Variants in KIF26B observed in about 807,000 individuals in gnomAD.
The protein encoded by KIF26B is kinesin-like protein KIF26B.
Under a neutral mutation model 151.2 loss-of-function variants are expected in KIF26B, and 63 were observed. The ratio of observed to expected loss-of-function variants is 0.42; its 90% CI spans 0.34 to 0.51. The LOEUF (loss-of-function observed/expected upper bound fraction) is 0.51. Ranked by LOEUF, KIF26B falls within the 20% of genes least tolerant of loss-of-function variation. The pLI is 0.07. For synonymous variants in KIF26B, 1,357 were observed against 1,262.1 expected, an observed-to-expected ratio of 1.08 and a Z score of -1.59; for missense variants, 2,813 against 2,913.6, an observed-to-expected ratio of 0.97 and a Z score of 0.79.
intron 2 of KIF26B, among the ~76,000 whole-genome samples, chr1:245,231,822 G>A (rs1428383140): frequency 2.0e-5 from 3 of 152,212 alleles, no homozygotes; most frequent in African/African-American, 7.2e-5. Context: ...GACAAGGATG[G>A]AACAATGTTT....
intron 2 of KIF26B, among the ~76,000 whole-genome samples, chr1:245,364,288 C>T (rs1672888923): frequency 6.6e-6 from 1 of 152,184 alleles, no homozygotes; most frequent in South Asian, 2.1e-4. Flanking sequence ...GAGGGGCCCT[C>T]AGAGCCAGGG....
rs752099494 is a variant in KIF26B at position 245,354,983 on chromosome 1, C to T, written c.466-11851C>T. ...TCACCCAGGCTAGAGTGCACTGGCGCGATCTCGGCTCGCTGCAACCTATGC... is the reference window on the plus strand; with the variant it reads ...TCACCCAGGCTAGAGTGCACTGGCGTGATCTCGGCTCGCTGCAACCTATGC... On this transcript the variant is annotated intron_variant, in intron 2 of 14. Transcript: ENST00000407071. Among the ~76,000 whole-genome samples the T allele has an allele frequency of 6.6e-5, 10 of 152,298 alleles. No homozygotes were observed. The East Asian group carries it at 9.6e-4, about 15-fold the overall frequency.
At chr1:245,507,809 T>TTTGACAACATCTGTTGTCAAAGG (rs1248071668) in intron 4 of KIF26B, among the ~76,000 whole-genome samples, 1 of 152,124 alleles carries the variant, frequency 6.6e-6, no homozygotes, top group Admixed American at 6.5e-5. Flanking sequence ...CAACAGATGT[T>TTTGACAACATCTGTTGTCAAAGG]TTGACAACAT....
At chr1:245,494,285 A>G (rs917326232) in intron 4 of KIF26B, among the ~76,000 whole-genome samples, 1 of 147,474 alleles carries the variant, frequency 6.8e-6, no homozygotes, top group African/African-American at 2.5e-5. Flanking sequence ...CACCCTGGGC[A>G]ACAAGACCAA....
intron 9 of KIF26B, among the ~76,000 whole-genome samples, chr1:245,627,523 C>A (rs1019448802): frequency 2.4e-4 from 36 of 152,070 alleles, no homozygotes; most frequent in Non-Finnish European, 4.9e-4. Context: ...ACGCCCACAT[C>A]AGAGAGCTGG....
intron 2 of KIF26B, among the ~76,000 whole-genome samples, chr1:245,347,203 A>C (rs556193497): frequency 6.6e-6 from 1 of 152,270 alleles, no homozygotes; most frequent in African/African-American, 2.4e-5. Flanking sequence ...TCTTGATTGA[A>C]TCACTCCTTT....
At chr1:245,683,124 G>A (rs1048361828) in intron 10 of KIF26B, among the ~76,000 whole-genome samples, 6 of 152,188 alleles carry the variant, frequency 3.9e-5, no homozygotes, top group African/African-American at 7.2e-5. Flanking sequence ...AGCAGGTCAC[G>A]TGTAAAATGG....
intron 4 of KIF26B, among the ~76,000 whole-genome samples, chr1:245,453,738 G>T (rs1007840852): frequency 1.3e-5 from 2 of 152,174 alleles, no homozygotes; most frequent in African/African-American, 4.8e-5. Context: ...TAGGGGAAAA[G>T]ATAAGACACT....
intron 2 of KIF26B, among the ~76,000 whole-genome samples, chr1:245,243,882 G>C (rs201526633): frequency 2.2e-3 from 1 of 462 alleles, no homozygotes; most frequent in Admixed American, 0.062. Context: ...AAGAAAGAAA[G>C]GAAAGGAAAG....
At chr1:245,581,413 T>C (rs915177616) in intron 5 of KIF26B, among the ~76,000 whole-genome samples, 1 of 151,968 alleles carries the variant, frequency 6.6e-6, no homozygotes, top group African/African-American at 2.4e-5. Flanking sequence ...GAAAGATAGA[T>C]AGATAGATAA....
intron 2 of KIF26B, among the ~76,000 whole-genome samples, chr1:245,197,065 A>G (rs1669208659): frequency 6.6e-6 from 1 of 152,170 alleles, no homozygotes; most frequent in African/African-American, 2.4e-5. Context: ...GAGGGCACGG[A>G]TTAGATTTTA....
chr1:245,362,536 C>CA (rs36022021), intron 2 of KIF26B, among the ~76,000 whole-genome samples: 34,083 of 139,804 alleles, frequency 0.24, 5,029 homozygotes, highest in Admixed American at 0.34. Flanking sequence ...GACTCCATCT[C>CA]AAAAAAAAAA....
intron 4 of KIF26B, among the ~76,000 whole-genome samples, chr1:245,440,424 C>T (rs1016661209): frequency 2.6e-5 from 4 of 152,082 alleles, no homozygotes; most frequent in Non-Finnish European, 5.9e-5. Flanking sequence ...TCTCTTAAGA[C>T]GGGGAAGAAG....
chr1:245,691,673 G>A (rs2044628396), intron 12 of KIF26B, among the ~76,000 whole-genome samples: 1 of 152,262 alleles, frequency 6.6e-6, no homozygotes, highest in African/African-American at 2.4e-5. Context: ...AACCAGAGAG[G>A]AGACATCTTT....
chr1:245,673,063 T>TCTTAGGCCCAGTCCCCGCTGGGCGCTGC (rs2044310814), intron 10 of KIF26B, among the ~76,000 whole-genome samples: 2 of 99,056 alleles, frequency 2.0e-5, no homozygotes, highest in African/African-American at 4.0e-5. Context: ...CTGCACGCTG[T>TCTTAGGCCCAGTCCCCGCTGGGCGCTGC]CATCTTAGGC....
At chr1:245,390,053 C>T (rs1003708432) in intron 3 of KIF26B, among the ~76,000 whole-genome samples, 11 of 152,052 alleles carry the variant, frequency 7.2e-5, no homozygotes, top group Non-Finnish European at 1.5e-5. Flanking sequence ...TTGACATTTG[C>T]TCTAATGGCG....
At chr1:245,657,538 T>C (rs1046037099) in intron 10 of KIF26B, among the ~76,000 whole-genome samples, 3 of 152,214 alleles carry the variant, frequency 2.0e-5, no homozygotes, top group South Asian at 4.1e-4. Flanking sequence ...AAACCTTCAG[T>C]GGCTTCCTGT....
intron 2 of KIF26B, among the ~76,000 whole-genome samples, chr1:245,211,556 C>G (rs1004115102): frequency 6.6e-6 from 1 of 151,994 alleles, no homozygotes; most frequent in Non-Finnish European, 1.5e-5. Context: ...CACCACTAAG[C>G]CTGACTCATT....
chr1:245,521,291 C>G (rs575977689), intron 4 of KIF26B, among the ~76,000 whole-genome samples: 1 of 101,474 alleles, frequency 9.9e-6, no homozygotes, highest in South Asian at 3.7e-4. Flanking sequence ...GAGCCGAGAT[C>G]GCACCACTGC....
Sources: gnomAD v4.1 joint callset for allele counts (sites outside exome capture counted in the v4.1 genomes callset) on GRCh38, gnomAD v4.1.1 for gene constraint, MANE v1.5 for transcripts, NCBI Gene and HGNC (gene_info 2026-07-23, HGNC 2026-07-21) for gene names.